The following DGKB variants were observed in gnomAD, a reference collection of about 807,000 sequenced individuals.
DGKB encodes the protein 90 kDa diacylglycerol kinase.
A neutral mutation model predicts 114.3 loss-of-function variants in DGKB; 67 were observed. That is an observed-to-expected ratio of 0.59 (90% confidence interval 0.48 to 0.72). DGKB has a LOEUF of 0.72. Among genes scored for constraint, DGKB ranks in the 30% least tolerant of loss-of-function variants. DGKB has a pLI of 0.00. For missense variants in DGKB, 907 were observed against 975.2 expected (o/e 0.93, Z 0.93); for synonymous variants, 398 against 323.1 (o/e 1.23, Z -2.49).
intron 20 of DGKB, among the ~76,000 whole-genome samples, chr7:14,544,019 T>C (rs971604957): frequency 3.3e-5 from 5 of 152,212 alleles, no homozygotes; most frequent in African/African-American, 1.2e-4. Context: ...GTATTGCTAT[T>C]AGTATATGAT....
At chr7:14,754,267 C>T (rs1834542551) in intron 3 of DGKB, among the ~76,000 whole-genome samples, 1 of 152,000 alleles carries the variant, frequency 6.6e-6, no homozygotes, top group African/African-American at 2.4e-5. Flanking sequence ...ATTTCAGAAT[C>T]AATGACTAGA....
rs1486669415 is a variant in DGKB at position 14,630,239 on chromosome 7, A to G, written c.1164T>C (p.Pro388=). 1 of 1,555,998 alleles carries G rather than the reference A, an allele frequency of 6.4e-7. No individual in the cohort carries two copies. Among genetic ancestry groups the G allele is most frequent in the Non-Finnish European group, 8.7e-7 (1 of 1,149,924 alleles). ...AAACCTGTTTTTGCTTACGCACCTCAGGAACTGAAACTCCTGAAGTGGGCA... is the reference window on the plus strand; with the variant it reads ...AAACCTGTTTTTGCTTACGCACCTCGGGAACTGAAACTCCTGAAGTGGGCA... ...LTLPTSGVSV[P]EERQSTVKKE... The change falls in exon 14 of 26, where the codon CCT becomes CCC. Residue 388 remains proline (P), a synonymous_variant. Coordinates refer to ENST00000402815, the MANE Select transcript of DGKB (RefSeq NM_001350709.2).
chr7:14,734,134 A>G (rs376803548), intron 5 of DGKB, among the ~76,000 whole-genome samples: 2 of 151,972 alleles, frequency 1.3e-5, no homozygotes, highest in East Asian at 3.9e-4. Flanking sequence ...TCCTGGGTTC[A>G]AGTGATTCTC....
intron 21 of DGKB, among the ~76,000 whole-genome samples, chr7:14,438,927 T>A (rs1317707868): frequency 2.1e-5 from 3 of 140,308 alleles, no homozygotes; most frequent in South Asian, 4.3e-4. Flanking sequence ...TTCTAAGACT[T>A]TTTTTTTTTA....
intron 21 of DGKB, among the ~76,000 whole-genome samples, chr7:14,386,850 T>C (rs1453810899): frequency 6.6e-6 from 1 of 152,072 alleles, no homozygotes; most frequent in Non-Finnish European, 1.5e-5. Flanking sequence ...TTTACATCAA[T>C]TAAAGTAATT....
At chr7:14,824,051 G>A (rs1271566895) in intron 2 of DGKB, among the ~76,000 whole-genome samples, 6 of 152,150 alleles carry the variant, frequency 3.9e-5, no homozygotes, top group East Asian at 1.9e-4. Flanking sequence ...GCAGGCAAGC[G>A]AGCTTGTGTA....
At chr7:14,531,217 G>A (rs1009081485) in intron 20 of DGKB, among the ~76,000 whole-genome samples, 1 of 151,164 alleles carries the variant, frequency 6.6e-6, no homozygotes, top group Admixed American at 6.6e-5. Flanking sequence ...AAGAAAAAGA[G>A]AAATAAACTG....
intron 1 of DGKB, among the ~76,000 whole-genome samples, chr7:14,966,210 C>T (rs973889690): frequency 6.6e-6 from 1 of 152,008 alleles, no homozygotes; most frequent in African/African-American, 2.4e-5. Context: ...TACAATTTGA[C>T]TCTTAAATTT....
At chr7:14,527,886 G>A (rs1215953605) in intron 20 of DGKB, among the ~76,000 whole-genome samples, 5 of 151,964 alleles carry the variant, frequency 3.3e-5, no homozygotes, top group Admixed American at 6.6e-5. Flanking sequence ...AAGAAAACGC[G>A]CTAACTATGA....
At chr7:14,501,435 G>A (rs773026650) in intron 20 of DGKB, among the ~76,000 whole-genome samples, 14 of 152,008 alleles carry the variant, frequency 9.2e-5, no homozygotes, top group Non-Finnish European at 1.6e-4. Flanking sequence ...AATGCTTATA[G>A]TTTGGCTAAA....
intron 20 of DGKB, among the ~76,000 whole-genome samples, chr7:14,506,207 A>G (rs538934850): frequency 6.6e-6 from 1 of 152,294 alleles, no homozygotes; most frequent in South Asian, 2.1e-4. Flanking sequence ...AGAGTATAAA[A>G]TTTCATGCCT....
In DGKB at chr7:14,731,540, A is replaced by G. The variant is rs569955380; in HGVS notation, c.322+4501T>C. On this transcript the variant is annotated intron_variant, in intron 5 of 25. Transcript: ENST00000402815. ...AAAACTGAAGAAGTGTTAAGGTCAT[A>G]TAAACATCGGGTAGTAGGAATTTAT... Among the ~76,000 whole-genome samples the G allele has an allele frequency of 2.3e-4, 35 of 152,302 alleles. 1 individual carries two copies. Among genetic ancestry groups the G allele is most frequent in the African/African-American group, 8.2e-4 (34 of 41,564 alleles).
At chr7:14,378,200 T>C (rs1282277880) in intron 21 of DGKB, among the ~76,000 whole-genome samples, 3 of 152,184 alleles carry the variant, frequency 2.0e-5, no homozygotes, top group Non-Finnish European at 2.9e-5. Flanking sequence ...TCTAGGCTCA[T>C]GGGGTCCCTT....
intron 23 of DGKB, among the ~76,000 whole-genome samples, chr7:14,335,935 T>C (rs1439077758): frequency 6.6e-6 from 1 of 152,080 alleles, no homozygotes; most frequent in Non-Finnish European, 1.5e-5. Context: ...CACTTCCTCC[T>C]TTCCCAGTAT....
intron 5 of DGKB, among the ~76,000 whole-genome samples, chr7:14,732,038 T>C (rs1417763612): frequency 6.6e-6 from 1 of 152,138 alleles, no homozygotes. Context: ...TCATTACATA[T>C]TACAGTCAAA....
chr7:14,230,882 C>T (rs552329271), intron 23 of DGKB, among the ~76,000 whole-genome samples: 3 of 151,944 alleles, frequency 2.0e-5, no homozygotes, highest in Non-Finnish European at 4.4e-5. Flanking sequence ...CCTCTCCTAC[C>T]GGATGAGATG....
At chr7:14,745,879 C>G (rs1833209779) in intron 4 of DGKB, among the ~76,000 whole-genome samples, 1 of 152,242 alleles carries the variant, frequency 6.6e-6, no homozygotes, top group South Asian at 2.1e-4. Flanking sequence ...TCCTGCATCA[C>G]TGGCATTTCT....
At chr7:14,853,287 A>AT (rs1377512237) in intron 1 of DGKB, among the ~76,000 whole-genome samples, 1 of 152,082 alleles carries the variant, frequency 6.6e-6, no homozygotes, top group Non-Finnish European at 1.5e-5. Context: ...AAAAATACAT[A>AT]TTTTGACTGT....
intron 6 of DGKB, among the ~76,000 whole-genome samples, chr7:14,704,714 C>A (rs1354341277): frequency 1.3e-5 from 2 of 152,128 alleles, no homozygotes; most frequent in African/African-American, 2.4e-5. Context: ...GGCACACTGA[C>A]ACCTCACACG....
Sources: allele counts gnomAD v4.1 joint callset (sites outside exome capture counted in the v4.1 genomes callset), GRCh38; gene constraint gnomAD v4.1.1; transcripts MANE v1.5; gene names NCBI Gene and HGNC (gene_info 2026-07-23, HGNC 2026-07-21).